CDK14: variants seen among roughly 807,000 people sequenced by gnomAD.
CDK14 encodes the protein cyclin dependent kinase 14.
CDK14 carries 34 observed loss-of-function variants against 60.7 expected under a neutral mutation model. That is an observed-to-expected ratio of 0.56 (90% confidence interval 0.43 to 0.75). The LOEUF (loss-of-function observed/expected upper bound fraction) is 0.75, where lower values mean the gene tolerates loss of function less well. Ranked by LOEUF, CDK14 falls within the 30% of genes least tolerant of loss-of-function variation. The pLI, the probability that CDK14 is intolerant of heterozygous loss-of-function variation, is 0.00. For missense variants in CDK14, 482 were observed against 564.1 expected, an observed-to-expected ratio of 0.85 and a Z score of 1.47; for synonymous variants, 197 against 203.7, an observed-to-expected ratio of 0.97 and a Z score of 0.28.
intron 4 of CDK14, among the ~76,000 whole-genome samples, chr7:90,758,647 A>G: frequency 6.6e-6 from 1 of 152,236 alleles, no homozygotes; most frequent in Non-Finnish European, 1.5e-5. Context: ...GAGGTGACTC[A>G]GATGAGGATT....
At chr7:90,780,541 T>C (rs12704575) in intron 4 of CDK14, among the ~76,000 whole-genome samples, 92,848 of 145,990 alleles carry the variant, frequency 0.64, 30,128 homozygotes, top group East Asian at 0.96. Flanking sequence ...CGTCATTTAG[T>C]ATTAGGTATA....
intron 5 of CDK14, among the ~76,000 whole-genome samples, chr7:90,811,943 C>T (rs949675054): frequency 2.9e-4 from 44 of 152,058 alleles, no homozygotes; most frequent in African/African-American, 7.5e-4. Flanking sequence ...GTTAGAATTG[C>T]GATCATTAAA....
chr7:90,894,421 C>T (rs930687360), intron 6 of CDK14, among the ~76,000 whole-genome samples: 4 of 152,130 alleles, frequency 2.6e-5, no homozygotes, highest in Admixed American at 1.3e-4. Context: ...ACACATAGTA[C>T]GTTTTCGTGC....
At chr7:90,960,734 T>C (rs192496885) in intron 9 of CDK14, among the ~76,000 whole-genome samples, 1 of 152,296 alleles carries the variant, frequency 6.6e-6, no homozygotes. Flanking sequence ...TGATCTTTCT[T>C]GAGCCAAGGA....
intron 2 of CDK14, among the ~76,000 whole-genome samples, chr7:90,692,949 A>AT (rs1801584898): frequency 6.6e-6 from 1 of 151,996 alleles, no homozygotes; most frequent in East Asian, 1.9e-4. Context: ...AAAAAAAAAA[A>AT]ATTCTCCCTG....
At chr7:90,629,129 C>T (rs534225248) in intron 2 of CDK14, among the ~76,000 whole-genome samples, 49 of 152,060 alleles carry the variant, frequency 3.2e-4, no homozygotes, top group South Asian at 1.2e-3. Context: ...CTTGCTACTA[C>T]GGCAATTACA....
chr7:90,682,284 A>G (rs1217680637), intron 2 of CDK14, among the ~76,000 whole-genome samples: 2 of 152,236 alleles, frequency 1.3e-5, no homozygotes, highest in African/African-American at 4.8e-5. Context: ...CTGTTTGTGT[A>G]GAAGTAAGCT....
intron 9 of CDK14, among the ~76,000 whole-genome samples, chr7:90,979,145 C>G (rs1315304792): frequency 1.3e-5 from 2 of 152,116 alleles, no homozygotes; most frequent in Non-Finnish European, 2.9e-5. Context: ...TTCATTAAAG[C>G]TTATTCATAG....
chr7:91,069,506 A>G (rs1469206406), intron 11 of CDK14, among the ~76,000 whole-genome samples: 1 of 152,146 alleles, frequency 6.6e-6, no homozygotes, highest in African/African-American at 2.4e-5. Context: ...GTGCCACTGC[A>G]CTCCATCCAG....
intron 10 of CDK14, among the ~76,000 whole-genome samples, chr7:91,037,368 C>T (rs916697928): frequency 6.6e-6 from 1 of 152,106 alleles, no homozygotes; most frequent in Non-Finnish European, 1.5e-5. Flanking sequence ...TATACATGTA[C>T]ACCTGCATCA....
intron 3 of CDK14, among the ~76,000 whole-genome samples, chr7:90,739,323 C>A (rs997701547): frequency 6.6e-6 from 1 of 152,150 alleles, no homozygotes; most frequent in African/African-American, 2.4e-5. Flanking sequence ...GTTAATGCAT[C>A]CAAACCCAGT....
chr7:90,778,967 G>A (rs1805182592), intron 4 of CDK14, among the ~76,000 whole-genome samples: 1 of 149,078 alleles, frequency 6.7e-6, no homozygotes, highest in East Asian at 2.0e-4. Context: ...TTTAAGACAT[G>A]GGCAACTGGA....
intron 10 of CDK14, among the ~76,000 whole-genome samples, chr7:90,989,986 G>T (rs985562696): frequency 6.6e-6 from 1 of 152,200 alleles, no homozygotes; most frequent in African/African-American, 2.4e-5. Flanking sequence ...ACATCAGGCA[G>T]TGGTATAGGA....
In CDK14 at chr7:91,141,799, T is replaced by TTTGTTGTTG. The variant is rs10654091; in HGVS notation, c.*28+23610_*28+23618dup. On this transcript the variant is annotated intron_variant, in intron 14 of 14. Coordinates refer to ENST00000380050, the MANE Select transcript of CDK14 (RefSeq NM_001287135.2). ...CTAGGATTTGCCTAAAACAGTGGGT[T>TTTGTTGTTG]TTGTTGTTGTTGTTGTTGTTGTTGT... is the stretch of plus-strand genomic sequence containing the variant. 2.8e-3 allele frequency among the ~76,000 whole-genome samples: 424 copies of TTTGTTGTTG among 150,082 alleles called. 4 individuals carry two copies. Among genetic ancestry groups the TTTGTTGTTG allele is most frequent in the East Asian group, 0.024 (121 of 5,040 alleles).
intron 10 of CDK14, among the ~76,000 whole-genome samples, chr7:91,017,127 A>T (rs1278126578): frequency 1.3e-5 from 2 of 152,210 alleles, no homozygotes; most frequent in Non-Finnish European, 2.9e-5. Flanking sequence ...ATTTTCTATG[A>T]AGTTAATACT....
At chr7:90,872,998 T>TA (rs1256761168) in intron 6 of CDK14, among the ~76,000 whole-genome samples, 17 of 152,146 alleles carry the variant, frequency 1.1e-4, no homozygotes, top group African/African-American at 3.9e-4. Context: ...AAAACAGTAA[T>TA]AAAAAGATAA....
intron 2 of CDK14, among the ~76,000 whole-genome samples, chr7:90,703,843 T>C (rs1432879766): frequency 2.6e-5 from 4 of 152,190 alleles, no homozygotes; most frequent in Admixed American, 1.3e-4. Context: ...CCCTGCTCTT[T>C]GGGAGGCCAA....
chr7:90,717,372 C>T (rs1028540686), intron 2 of CDK14, among the ~76,000 whole-genome samples: 1 of 152,130 alleles, frequency 6.6e-6, no homozygotes, highest in South Asian at 2.1e-4. Context: ...ATTAGCAAAA[C>T]AGTTATCAAG....
chr7:91,092,994 G>T (rs893738129), intron 12 of CDK14, among the ~76,000 whole-genome samples: 1 of 152,002 alleles, frequency 6.6e-6, no homozygotes, highest in Admixed American at 6.6e-5. Context: ...TAAATTATTT[G>T]CCAGGACTTG....
Sources: allele counts gnomAD v4.1 joint callset (sites outside exome capture counted in the v4.1 genomes callset), GRCh38; gene constraint gnomAD v4.1.1; transcripts MANE v1.5; gene names NCBI Gene and HGNC (gene_info 2026-07-23, HGNC 2026-07-21).